The following KCNH8 variants were observed in gnomAD, a reference collection of about 807,000 sequenced individuals.
KCNH8 encodes the protein voltage-gated delayed rectifier potassium channel KCNH8.
A neutral mutation model predicts 103.6 loss-of-function variants in KCNH8; 70 were observed. The observed-to-expected ratio is 0.68, with a 90% CI of 0.56 to 0.82. KCNH8 has a LOEUF of 0.82. KCNH8 is among the 40% of genes least tolerant of loss of function. The pLI is 0.00. For missense variants in KCNH8, 1,217 were observed against 1,329.9 expected, an observed-to-expected ratio of 0.92 and a Z score of 1.32; for synonymous variants, 498 against 489.4, an observed-to-expected ratio of 1.02 and a Z score of -0.23.
intron 1 of KCNH8, among the ~76,000 whole-genome samples, chr3:19,198,919 G>C (rs892450152): frequency 6.6e-6 from 1 of 151,908 alleles, no homozygotes; most frequent in Admixed American, 6.6e-5. Context: ...AGAAAAGAGG[G>C]GTTTCAAACA....
At chr3:19,386,718 G>A (rs569928121) in intron 5 of KCNH8, among the ~76,000 whole-genome samples, 180 of 152,224 alleles carry the variant, frequency 1.2e-3, no homozygotes, top group African/African-American at 4.1e-3. Flanking sequence ...ACGTAAGGCT[G>A]AAAAACATGC....
chr3:19,440,428 C>T (rs1310513559), intron 8 of KCNH8, among the ~76,000 whole-genome samples: 2 of 152,126 alleles, frequency 1.3e-5, no homozygotes, highest in African/African-American at 4.8e-5. Flanking sequence ...TTCCACATGG[C>T]TGGGGAGGCC....
chr3:19,256,235 T>C (rs1295356942), intron 2 of KCNH8, among the ~76,000 whole-genome samples: 1 of 152,138 alleles, frequency 6.6e-6, no homozygotes, highest in Non-Finnish European at 1.5e-5. Flanking sequence ...TTATTTTTCC[T>C]TGGAGGATAT....
At chr3:19,282,640 T>C (rs1279300411) in intron 3 of KCNH8, among the ~76,000 whole-genome samples, 1 of 152,178 alleles carries the variant, frequency 6.6e-6, no homozygotes, top group Admixed American at 6.5e-5. Context: ...TTGTTTGGAA[T>C]ATGAGGACCA....
intron 1 of KCNH8, among the ~76,000 whole-genome samples, chr3:19,190,337 T>TG (rs1559415259): frequency 6.6e-6 from 1 of 152,006 alleles, no homozygotes; most frequent in African/African-American, 2.4e-5. Flanking sequence ...ATCCAAGGTC[T>TG]TGCCAAGAGC....
In KCNH8 at chr3:19,249,045, T is replaced by C. The variant is rs546901583; in HGVS notation, c.77-4609T>C. Among the ~76,000 whole-genome samples the C allele has an allele frequency of 3.2e-4, 49 of 152,316 alleles. No homozygotes were observed. In the Middle Eastern group the frequency reaches 0.014, roughly 42 times the overall value. ...CTCACTTTCAAACTGAATATATATA[T>C]AAAAATTACCTAGAAACAAGCAGAG... On this transcript the variant is annotated intron_variant, in intron 1 of 15. Coordinates refer to ENST00000328405, the MANE Select transcript of KCNH8 (RefSeq NM_144633.3).
Position 19,154,690 on chromosome 3 carries a change from T to C in KCNH8, c.76+5895T>C, listed in dbSNP as rs7628549. On this transcript the variant is annotated intron_variant, in intron 1 of 15. Transcript: ENST00000328405. ...TTCTCTTAAGGAAGTGATAGATTTA[T>C]TTCTCACCACACAGCTGACTACTCT... 8.8e-3 allele frequency among the ~76,000 whole-genome samples: 1,345 copies of C among 152,352 alleles called. 21 individuals carry two copies. Among genetic ancestry groups the C allele is most frequent in the African/African-American group, 0.029 (1,219 of 41,564 alleles).
At chr3:19,428,656 A>G (rs540575419) in intron 7 of KCNH8, among the ~76,000 whole-genome samples, 1 of 152,370 alleles carries the variant, frequency 6.6e-6, no homozygotes, top group East Asian at 1.9e-4. Context: ...GAAGTGAGTT[A>G]CTATTGTGTT....
intron 11 of KCNH8, among the ~76,000 whole-genome samples, chr3:19,470,494 T>C (rs1042445027): frequency 2.6e-5 from 4 of 152,198 alleles, no homozygotes; most frequent in African/African-American, 9.6e-5. Flanking sequence ...AGGTGGACTT[T>C]CTTAGTTGAT....
At chr3:19,512,446 C>T (rs2068798846) in intron 12 of KCNH8, among the ~76,000 whole-genome samples, 1 of 152,156 alleles carries the variant, frequency 6.6e-6, no homozygotes, top group Non-Finnish European at 1.5e-5. Context: ...GCTGAGAATA[C>T]TTCTGATCTT....
chr3:19,419,210 T>G (rs1414536235), intron 7 of KCNH8, among the ~76,000 whole-genome samples: 1 of 142,420 alleles, frequency 7.0e-6, no homozygotes, highest in African/African-American at 2.6e-5. Flanking sequence ...TTTTTTTTTT[T>G]TTTTTTTGAG....
chr3:19,368,526 C>T (rs1236151342), intron 5 of KCNH8, among the ~76,000 whole-genome samples: 1 of 151,956 alleles, frequency 6.6e-6, no homozygotes, highest in African/African-American at 2.4e-5. Flanking sequence ...TGATTATTTA[C>T]CCATTCATAA....
intron 1 of KCNH8, among the ~76,000 whole-genome samples, chr3:19,252,783 A>C (rs2064296108): frequency 6.6e-6 from 1 of 152,176 alleles, no homozygotes; most frequent in Non-Finnish European, 1.5e-5. Flanking sequence ...TAATTCCTAC[A>C]ACACACCTAT....
At chr3:19,469,281 C>T (rs917012039) in intron 11 of KCNH8, among the ~76,000 whole-genome samples, 1 of 152,156 alleles carries the variant, frequency 6.6e-6, no homozygotes, top group Non-Finnish European at 1.5e-5. Context: ...AAAATACTCT[C>T]CCTCAGGAAG....
rs781584324 is a variant in KCNH8, at chr3:19,342,723, T to A, written c.570+9T>A. 19 of 1,599,814 alleles carry A rather than the reference T, an allele frequency of 1.2e-5. No homozygotes were observed. Among genetic ancestry groups the A allele is most frequent in the Non-Finnish European group, 1.5e-5 (18 of 1,170,654 alleles). On this transcript the variant is annotated intron_variant, in intron 4 of 15. Coordinates refer to ENST00000328405, the MANE Select transcript of KCNH8 (RefSeq NM_144633.3). ...AATTGAAAATAAATAACGTAGGTGG[T>A]ATGTGTGTACAGGATGAATGCTAGT... is the stretch of plus-strand genomic sequence containing the variant.
chr3:19,327,911 C>T (rs2065445464), intron 3 of KCNH8, among the ~76,000 whole-genome samples: 1 of 152,076 alleles, frequency 6.6e-6, no homozygotes, highest in Non-Finnish European at 1.5e-5. Context: ...AAACTTACCC[C>T]AAAGGGTTAA....
At chr3:19,284,481 C>A (rs1423130990) in intron 3 of KCNH8, among the ~76,000 whole-genome samples, 1 of 147,204 alleles carries the variant, frequency 6.8e-6, no homozygotes, top group Non-Finnish European at 1.5e-5. Flanking sequence ...TTTGTATGTA[C>A]AATAGCTTTC....
intron 2 of KCNH8, among the ~76,000 whole-genome samples, chr3:19,265,998 A>G (rs553281024): frequency 6.6e-6 from 1 of 151,670 alleles, no homozygotes; most frequent in Non-Finnish European, 1.5e-5. Context: ...CTGCAGACCA[A>G]CCTCCAGTTC....
intron 7 of KCNH8, among the ~76,000 whole-genome samples, chr3:19,434,503 G>A (rs1010944988): frequency 3.3e-5 from 5 of 152,174 alleles, no homozygotes; most frequent in Non-Finnish European, 5.9e-5. Flanking sequence ...GAGGCTGAAG[G>A]GGGTGGAGAA....
Sources: allele counts gnomAD v4.1 joint callset (sites outside exome capture counted in the v4.1 genomes callset), GRCh38; gene constraint gnomAD v4.1.1; transcripts MANE v1.5; gene names NCBI Gene and HGNC (gene_info 2026-07-23, HGNC 2026-07-21).